TGIF1: variants seen among roughly 807,000 people sequenced by gnomAD.
TGIF1 encodes the protein TGFB induced factor homeobox 1, also known as homeobox protein TGIF1.
A neutral mutation model predicts 19.3 loss-of-function variants in TGIF1; 4 were observed. The observed-to-expected ratio is 0.21, with a 90% CI of 0.10 to 0.47. TGIF1 has a LOEUF of 0.47. TGIF1 is among the 20% of genes least tolerant of loss of function. TGIF1 has a pLI of 0.98. For synonymous variants in TGIF1, 122 were observed against 129.3 expected (o/e 0.94, Z 0.38); for missense variants, 275 against 341.4 (o/e 0.81, Z 1.53).
At chr18:3,447,506 A>G (rs1192314344), upstream of TGIF1, 1 of 615,022 alleles carries the variant, frequency 1.6e-6, no homozygotes, top group African/African-American at 1.8e-5. Flanking sequence ...TGGTATCTGA[A>G]GCCCACTTTT....
upstream of TGIF1, among the ~76,000 whole-genome samples, chr18:3,445,723 CAAAAAAAAAAAAAAA>C (rs141550400): frequency 2.3e-4 from 4 of 17,696 alleles, no homozygotes; most frequent in South Asian, 6.7e-3. Context: ...GACTCTGTCT[CAAAAAAAAAAAAAAA>C]AAAAAAAAAA....
Position 3,451,183 on chromosome 18 carries a change from G to C in TGIF1, c.16+678G>C, listed in dbSNP as rs1478728012. On this transcript the variant is annotated intron_variant, in intron 1 of 2. Coordinates refer to ENST00000343820, the MANE Select transcript of TGIF1 (RefSeq NM_003244.4). The surrounding 1 kb of genome is among the most constrained non-coding windows in gnomAD (Gnocchi z 5.4). ...GCAGGAGGAAGAGTTAGCACCCAGG[G>C]CCAGCAGCTTCAAGCGGCATGCAGT... 6.6e-6 allele frequency among the ~76,000 whole-genome samples: 1 copy of C among 152,196 alleles called. No individual in the cohort carries two copies.
At chr18:3,455,479 C>T (rs2083138315) in intron 1 of TGIF1, 1 of 152,154 alleles carries the variant, frequency 6.6e-6, no homozygotes, top group Non-Finnish European at 1.5e-5. Flanking sequence ...GTCATGTAAT[C>T]ATTTAAGACT....
Position 3,414,480 on chromosome 18 carries a change from A to T in TGIF1, c.-118+2226A>T, listed in dbSNP as rs149746705. On this transcript the variant is annotated intron_variant, in intron 1 of 3. Coordinates refer to the TGIF1 transcript ENST00000401449. ...TTTTCTGGCTTTGTAGCCAGAGTTC[A>T]TCTCTAAGTCTAGCCCCAGTTGGGT... Among the ~76,000 whole-genome samples, 29 of 152,286 alleles carry T rather than the reference A, an allele frequency of 1.9e-4. No individual in the cohort carries two copies. In the East Asian group the frequency reaches 5.6e-3, roughly 29 times the overall value.
rs915366762 is a variant in TGIF1 at position 3,457,030 on chromosome 18, T to C, written c.244-335T>C. Reference sequence around the variant, plus strand: ...ACTTAAATGTTGGGGCAGTAGGTGATAGGTTAAAATGGGGAGAGTTAAAAA... The same window carrying C: ...ACTTAAATGTTGGGGCAGTAGGTGACAGGTTAAAATGGGGAGAGTTAAAAA... On this transcript the variant is annotated intron_variant, in intron 2 of 2. Transcript: ENST00000343820. This position sits in a 1 kb window ranked among gnomAD's most constrained non-coding sequence, Gnocchi z 4.9. The C allele has an allele frequency of 3.6e-6, 2 of 553,136 alleles. No individual in the cohort carries two copies. The highest frequency in any genetic ancestry group is 6.4e-6 in the Non-Finnish European group (2 of 313,320). The allele number at this position is 553,136 out of a possible 1,614,324, so 34.3% of individuals were successfully genotyped here.
upstream of TGIF1, chr18:3,448,035 A>AG (rs2082776493): frequency 1.0e-6 from 1 of 976,068 alleles, no homozygotes. Context: ...ACCACGGGGA[A>AG]GAGGGAAACA....
At chr18:3,448,078 G>T (rs1290379095), upstream of TGIF1, 28 of 977,136 alleles carry the variant, frequency 2.9e-5, no homozygotes, top group Admixed American at 6.5e-5. Context: ...GCGGGCGGGG[G>T]GGGAGGTAGG....
chr18:3,416,806 C>T (rs536272817), intron 1 of TGIF1, among the ~76,000 whole-genome samples: 4 of 151,718 alleles, frequency 2.6e-5, no homozygotes, highest in Non-Finnish European at 5.9e-5. Context: ...TTGGCGCACC[C>T]CTGTAATCCA....
chr18:3,449,864 G>C, upstream of TGIF1: 1 of 985,428 alleles, frequency 1.0e-6, no homozygotes, highest in Non-Finnish European at 1.2e-6. Context: ...ACGCACCCTC[G>C]CCAGCCCCGG....
At chr18:3,455,969 A>G in intron 1 of TGIF1, 1 of 335,556 alleles carries the variant, frequency 3.0e-6, no homozygotes, top group Non-Finnish European at 5.8e-6. Context: ...TCTTAGAAAG[A>G]AGGTTGGTAG....
chr18:3,444,719 A>C (rs2082718854), intron 2 of TGIF1, among the ~76,000 whole-genome samples: 1 of 152,142 alleles, frequency 6.6e-6, no homozygotes, highest in South Asian at 2.1e-4. Context: ...TAAGTGCATA[A>C]ATATTTAATA....
chr18:3,439,167 A>G (rs2082651745), intron 2 of TGIF1, among the ~76,000 whole-genome samples: 1 of 152,068 alleles, frequency 6.6e-6, no homozygotes, highest in African/African-American at 2.4e-5. Context: ...GTGACACTAG[A>G]TGGGTCATGA....
At chr18:3,437,571 G>C (rs894598905) in intron 2 of TGIF1, among the ~76,000 whole-genome samples, 1 of 152,174 alleles carries the variant, frequency 6.6e-6, no homozygotes, top group Admixed American at 6.5e-5. Context: ...AGTTATATTA[G>C]AGAGAAAGCT....
chr18:3,451,536 G>A lies in TGIF1; in HGVS notation c.16+1031G>A, dbSNP rs2082930117. 1 of 1,005,936 alleles carries A rather than the reference G, an allele frequency of 9.9e-7. No homozygotes were observed. The highest frequency in any genetic ancestry group is 9.8e-5 in the East Asian group (1 of 10,208). The allele number at this position is 1,005,936 out of a possible 1,614,324, so 62.3% of individuals were successfully genotyped here. Reference sequence around the variant, plus strand: ...ACAGAAGTTAATCACTCGGGAAGCGGACGGGAGGGGCGGCGCTACTGCGCA... The same window carrying A: ...ACAGAAGTTAATCACTCGGGAAGCGAACGGGAGGGGCGGCGCTACTGCGCA... On this transcript the variant is annotated intron_variant, in intron 1 of 2. Transcript: ENST00000343820. This position sits in a 1 kb window ranked among gnomAD's most constrained non-coding sequence, Gnocchi z 5.4.
chr18:3,453,668 A>C (rs2083065362), intron 1 of TGIF1: 4 of 420,518 alleles, frequency 9.5e-6, no homozygotes, highest in Non-Finnish European at 9.4e-6. Flanking sequence ...CCTGGGTGAC[A>C]AGAGCGAAAC....
chr18:3,431,044 G>C (rs905463834), intron 2 of TGIF1, among the ~76,000 whole-genome samples: 2 of 152,076 alleles, frequency 1.3e-5, no homozygotes, highest in Admixed American at 6.6e-5. Flanking sequence ...TGTTATGCCA[G>C]AAAATAAAAA....
At chr18:3,416,999 A>G (rs2082341148) in intron 1 of TGIF1, among the ~76,000 whole-genome samples, 1 of 152,196 alleles carries the variant, frequency 6.6e-6, no homozygotes, top group South Asian at 2.1e-4. Flanking sequence ...CTTTTTAAAA[A>G]AAGAAATCTC....
upstream of TGIF1, among the ~76,000 whole-genome samples, chr18:3,446,684 T>C (rs1047699550): frequency 5.3e-5 from 8 of 152,218 alleles, no homozygotes; most frequent in African/African-American, 1.9e-4. Flanking sequence ...TAAAATCACC[T>C]CAAGATGGCT....
rs1677339756 is a variant in TGIF1 at position 3,458,043 on chromosome 18, T to TG, written c.*106dup. 9.2e-7 allele frequency: 1 copy of TG among 1,082,770 alleles called. No homozygotes were observed. The allele number at this position is 1,082,770 out of a possible 1,614,324, so 67.1% of individuals were successfully genotyped here. A position where few individuals can be genotyped will look rare whatever the true frequency, so the allele number is the denominator to read the frequency against. ...TATATTTTTTATTAATATTTGCACA[T>TG]GGGATTGCTAAAACAGCTTCCTGTT... On this transcript the variant is annotated 3_prime_UTR_variant, in exon 3 of 3. Coordinates refer to ENST00000343820, the MANE Select transcript of TGIF1 (RefSeq NM_003244.4).
Sources: gnomAD v4.1 joint callset for allele counts (sites outside exome capture counted in the v4.1 genomes callset) on GRCh38, gnomAD v4.1.1 for gene constraint, Gnocchi (gnomAD v3.1) non-coding constraint, MANE v1.5 for transcripts, NCBI Gene and HGNC (gene_info 2026-07-23, HGNC 2026-07-21) for gene names.